Variants in ZC3H7A observed in about 807,000 individuals in gnomAD.
ZC3H7A encodes the protein zinc finger CCCH domain-containing protein 7A.
ZC3H7A carries 44 observed loss-of-function variants against 125.5 expected under a neutral mutation model. That is an observed-to-expected ratio of 0.35 (90% CI 0.28 to 0.45). ZC3H7A has a LOEUF of 0.45. ZC3H7A is among the 20% of genes least tolerant of loss of function. The pLI is 1.00. For synonymous variants in ZC3H7A, 399 were observed against 391.2 expected (o/e 1.02, Z -0.23); for missense variants, 977 against 1,170.7 (o/e 0.83, Z 2.41).
At chr16:11,777,813 A>G (rs529198334) in intron 4 of ZC3H7A, among the ~76,000 whole-genome samples, 39 of 152,036 alleles carry the variant, frequency 2.6e-4, no homozygotes, top group African/African-American at 7.0e-4. Flanking sequence ...TGAGGTCAGG[A>G]GTTCGAGACC....
chr16:11,754,797 C>T (rs2052612245), intron 21 of ZC3H7A, among the ~76,000 whole-genome samples: 1 of 144,836 alleles, frequency 6.9e-6, no homozygotes, highest in Admixed American at 7.2e-5. Context: ...GAGGCTGAGG[C>T]AGGAGAATTG....
At chr16:11,758,952 A>G (rs1043817571) in intron 19 of ZC3H7A, 1 of 181,316 alleles carries the variant, frequency 5.5e-6, no homozygotes, top group Admixed American at 6.2e-5. Flanking sequence ...TCCAAAGGGT[A>G]CTGAACAGTG....
intron 1 of ZC3H7A, 147 bp downstream of exon 1, chr16:11,796,977 G>C (rs1412586582): frequency 4.0e-5 from 6 of 148,214 alleles, no homozygotes; most frequent in African/African-American, 1.5e-4. Context: ...TCGGGTCCGC[G>C]GGCCCCGGAC....
At chr16:11,787,039 G>A (rs986264181) in intron 1 of ZC3H7A, among the ~76,000 whole-genome samples, 5 of 152,124 alleles carry the variant, frequency 3.3e-5, no homozygotes, top group Non-Finnish European at 4.4e-5. Context: ...GTGACCCAGA[G>A]CCCTATCAGG....
Position 11,751,058 on chromosome 16 carries a change from C to T in ZC3H7A, c.*259G>A. 2.8e-6 allele frequency: 1 copy of T among 359,122 alleles called. No homozygotes were observed. The highest frequency in any genetic ancestry group is 5.1e-6 in the Non-Finnish European group (1 of 197,532). The allele number at this position is 359,122 out of a possible 1,614,324, so 22.2% of individuals were successfully genotyped here. A position where few individuals can be genotyped will look rare whatever the true frequency, so the allele number is the denominator to read the frequency against. On this transcript the variant is annotated 3_prime_UTR_variant, in exon 23 of 23. Transcript: ENST00000355758. The stretch of plus-strand genomic sequence containing the variant: ...GATATAACCTTATCCTCTTCCCCAA[C>T]ACACTTCATCCAAAAGTCTGTTCAA...
intron 12 of ZC3H7A, 143 bp from the exon 13 acceptor site, chr16:11,767,721 A>C (rs2052885615): frequency 1.0e-5 from 8 of 786,490 alleles, no homozygotes; most frequent in Non-Finnish European, 1.5e-5. Flanking sequence ...CTAAAATGTA[A>C]GTAGGCTACT....
At chr16:11,759,978 G>C (rs2052716211) in intron 19 of ZC3H7A, 1 of 152,046 alleles carries the variant, frequency 6.6e-6, no homozygotes, top group South Asian at 2.1e-4. Context: ...AATTAGCTGA[G>C]CGTGGTGGCA....
At chr16:11,777,054 A>T (rs557798024) in intron 4 of ZC3H7A, 145 bp from the exon 5 acceptor site, 32 of 620,650 alleles carry the variant, frequency 5.2e-5, no homozygotes, top group African/African-American at 3.6e-4. Flanking sequence ...TTTATTTTTT[A>T]AATTATTTTA....
chr16:11,768,519 AG>A lies in ZC3H7A; in HGVS notation c.1174-19del, dbSNP rs767612467. On this transcript the variant is annotated intron_variant, in intron 11 of 22. Coordinates refer to ENST00000355758, the MANE Select transcript of ZC3H7A (RefSeq NM_014153.4). Reference sequence around the variant, plus strand: ...CCATTCATCTGCAAGAAAAATAAGAAGAAAAAAAAAAAAAACAGCCAACAAA... The same window carrying A: ...CCATTCATCTGCAAGAAAAATAAGAAAAAAAAAAAAAAAACAGCCAACAAA... The A allele has an allele frequency of 2.0e-5, 27 of 1,375,064 alleles. No individual in the cohort carries two copies. The highest frequency in any genetic ancestry group is 8.3e-5 in the South Asian group (5 of 60,068). 85.2% of individuals were successfully genotyped at this position (1,375,064 alleles called of 1,614,324 possible). A position where few individuals can be genotyped will look rare whatever the true frequency, so the allele number is the denominator to read the frequency against.
intron 3 of ZC3H7A, among the ~76,000 whole-genome samples, chr16:11,780,007 G>A (rs865911779): frequency 6.6e-6 from 1 of 151,986 alleles, no homozygotes; most frequent in Non-Finnish European, 1.5e-5. Context: ...TTTGGGGGGA[G>A]GGGGATGTTA....
chr16:11,755,365 T>C (rs912528436), intron 21 of ZC3H7A, among the ~76,000 whole-genome samples: 1 of 152,188 alleles, frequency 6.6e-6, no homozygotes, highest in Non-Finnish European at 1.5e-5. Context: ...TACAACAAAT[T>C]GTTAACATCA....
chr16:11,795,594 C>T (rs1231984320), intron 1 of ZC3H7A, among the ~76,000 whole-genome samples: 1 of 151,862 alleles, frequency 6.6e-6, no homozygotes, highest in Non-Finnish European at 1.5e-5. Context: ...TGCCACCACG[C>T]CTGGCTGATT....
chr16:11,772,324 T>C (rs768261049), intron 9 of ZC3H7A, among the ~76,000 whole-genome samples: 24 of 151,572 alleles, frequency 1.6e-4, no homozygotes, highest in Non-Finnish European at 3.2e-4. Context: ...TCTGGAGGTG[T>C]GAACTTACAA....
rs1434850141 is a variant in ZC3H7A at position 11,756,300 on chromosome 16, G to A, written c.2499C>T (p.Ala833=). The change falls in exon 21 of 23, where the codon GCC becomes GCT. Residue 833 remains alanine (A), a synonymous_variant. Transcript: ENST00000355758. ...TTCCATTTTCCTTGTTTGACTGACT[G>A]GCTATGTCTTCACTTTTTTCATTTT... is the stretch of plus-strand genomic sequence containing the variant. ...SQKNEKSEDI[A]SQSNKENGKQ... The A allele has an allele frequency of 3.1e-6, 5 of 1,613,912 alleles. No individual in the cohort carries two copies. The highest frequency in any genetic ancestry group is 1.3e-5 in the African/African-American group (1 of 74,898).
At chr16:11,776,671 T>C in intron 5 of ZC3H7A, 80 bp downstream of exon 5, 1 of 1,527,268 alleles carries the variant, frequency 6.5e-7, no homozygotes, top group Admixed American at 2.2e-5. Context: ...GATGGATGAC[T>C]GGAAAATTTA....
rs1220771889 is a variant in ZC3H7A, at chr16:11,763,629, T to C, written c.1851A>G (p.Thr617=). Residue 617 remains threonine (T), a synonymous_variant, in exon 16 of 23, where the codon ACA becomes ACG. Coordinates refer to ENST00000355758, the MANE Select transcript of ZC3H7A (RefSeq NM_014153.4). ...KCLVHILRET[T]VKYSKIRSFH... is the part of the protein sequence containing the mutation. ...AAGAACGTATTTTGGAGTATTTTAC[T>C]GTTGTCTCTCGCAAAATGTGGACAA... The C allele has an allele frequency of 6.3e-7, 1 of 1,593,412 alleles. No individual in the cohort carries two copies. The highest frequency in any genetic ancestry group is 8.6e-7 in the Non-Finnish European group (1 of 1,168,344).
intron 22 of ZC3H7A, 98 bp downstream of exon 22, chr16:11,752,571 T>C (rs1290031243): frequency 9.6e-6 from 14 of 1,455,136 alleles, no homozygotes; most frequent in Non-Finnish European, 1.3e-5. Flanking sequence ...ACAGCAACAT[T>C]AGAACTTTAA....
At chr16:11,752,920 C>T in intron 21 of ZC3H7A, 88 bp from the exon 22 acceptor site, 5 of 1,505,784 alleles carry the variant, frequency 3.3e-6, no homozygotes, top group South Asian at 1.3e-5. Flanking sequence ...GTGGGAGAGC[C>T]AGGCAAGACA....
chr16:11,777,583 G>A (rs754963977), intron 4 of ZC3H7A, among the ~76,000 whole-genome samples: 22 of 152,006 alleles, frequency 1.4e-4, no homozygotes, highest in Non-Finnish European at 2.8e-4. Context: ...TTAGCCAGGC[G>A]TGGTGGCGGG....
Sources: gnomAD v4.1 joint callset for allele counts (sites outside exome capture counted in the v4.1 genomes callset) on GRCh38, gnomAD v4.1.1 for gene constraint, MANE v1.5 for transcripts, NCBI Gene and HGNC (gene_info 2026-07-23, HGNC 2026-07-21) for gene names.